Variants in CDK17 observed in about 807,000 individuals in gnomAD.
CDK17 encodes cyclin-dependent kinase 17.
In CDK17, 24 loss-of-function variants were observed where a neutral mutation model predicts 77.6. The ratio of observed to expected loss-of-function variants is 0.31; its 90% confidence interval spans 0.22 to 0.44. The LOEUF (loss-of-function observed/expected upper bound fraction) is 0.44. CDK17 is among the 20% of genes least tolerant of loss of function. The pLI is 1.00. For missense variants in CDK17, 429 were observed against 622.5 expected (o/e 0.69, Z 3.31); for synonymous variants, 203 against 210.4 (o/e 0.96, Z 0.30).
chr12:96,390,374 A>G (rs1250438176), intron 1 of CDK17, among the ~76,000 whole-genome samples: 18 of 146,396 alleles, frequency 1.2e-4, no homozygotes, highest in African/African-American at 2.5e-5. Flanking sequence ...CAGGCGATCC[A>G]CCCACCTAGG....
In CDK17 at chr12:96,350,290, C is replaced by G. The variant is rs553635463; in HGVS notation, c.-29-15425G>C. 5.0e-4 allele frequency among the ~76,000 whole-genome samples: 76 copies of G among 151,058 alleles called. 1 individual carries two copies. The East Asian group carries it at 0.014, about 28-fold the overall frequency. ...AAAATTTGTTCCGGTTTACAGTGAG[C>G]TATGATTATGCCACTGCACTCCAGC... On this transcript the variant is annotated intron_variant, in intron 1 of 16. Coordinates refer to ENST00000261211, the MANE Select transcript of CDK17 (RefSeq NM_002595.5).
At chr12:96,343,214 A>T (rs145915826) in intron 1 of CDK17, among the ~76,000 whole-genome samples, 26 of 152,360 alleles carry the variant, frequency 1.7e-4, no homozygotes, top group African/African-American at 5.3e-4. Flanking sequence ...ACAAGAATCA[A>T]CTATCTTCCA....
At chr12:96,298,701 CTAATA>C (rs1952450492) in intron 7 of CDK17, among the ~76,000 whole-genome samples, 163 bp downstream of exon 7, 2 of 152,258 alleles carry the variant, frequency 1.3e-5, no homozygotes, top group South Asian at 4.1e-4. Flanking sequence ...AAGTTATACA[CTAATA>C]TAATTAATCC....
At position 96,303,735 on chromosome 12, in the gene CDK17, T is replaced by A. The variant is rs118058636; in HGVS notation, c.544-3375A>T. On this transcript the variant is annotated intron_variant, in intron 5 of 16. Coordinates refer to ENST00000261211, the MANE Select transcript of CDK17 (RefSeq NM_002595.5). ...TAGTCTTCCTAGAATTCACTGTAAC[T>A]TGTAAGCAATACCAAGCCTTATGGG... Among the ~76,000 whole-genome samples the A allele has an allele frequency of 1.0e-3, 158 of 152,204 alleles. 1 individual carries two copies. In the East Asian group the frequency reaches 0.026, roughly 25 times the overall value.
At chr12:96,320,018 T>A (rs552655528) in intron 3 of CDK17, among the ~76,000 whole-genome samples, 1,876 of 152,060 alleles carry the variant, frequency 0.012, 37 homozygotes, top group African/African-American at 0.043. Flanking sequence ...TTGTCCCTGT[T>A]TGCAGACGAC....
intron 3 of CDK17, among the ~76,000 whole-genome samples, chr12:96,316,163 A>G (rs895532724): frequency 5.3e-5 from 8 of 152,122 alleles, no homozygotes; most frequent in Non-Finnish European, 8.8e-5. Context: ...GGGGTCAGGG[A>G]GTTCTCTTTC....
intron 1 of CDK17, among the ~76,000 whole-genome samples, chr12:96,370,503 A>G (rs1788931253): frequency 6.6e-6 from 1 of 152,232 alleles, no homozygotes; most frequent in African/African-American, 2.4e-5. Context: ...GATCAAAAGT[A>G]GGATAAGCAA....
At chr12:96,357,553 T>C (rs1592750998) in intron 1 of CDK17, among the ~76,000 whole-genome samples, 1 of 152,178 alleles carries the variant, frequency 6.6e-6, no homozygotes, top group South Asian at 2.1e-4. Flanking sequence ...ATATAAGTAA[T>C]GCGTCTCTCA....
intron 1 of CDK17, among the ~76,000 whole-genome samples, chr12:96,341,085 A>G (rs1565827097): frequency 6.6e-6 from 1 of 152,162 alleles, no homozygotes; most frequent in South Asian, 2.1e-4. Context: ...GAGTGAGAAC[A>G]TGTAGTATTT....
At chr12:96,284,534 TATA>T (rs939159279) in intron 13 of CDK17, 3 of 149,672 alleles carry the variant, frequency 2.0e-5, no homozygotes, top group African/African-American at 7.4e-5. Flanking sequence ...ATGAAATTAG[TATA>T]ACTAGGGGTA....
intron 1 of CDK17, among the ~76,000 whole-genome samples, chr12:96,357,901 T>G (rs1953425054): frequency 6.6e-6 from 1 of 152,156 alleles, no homozygotes; most frequent in Admixed American, 6.5e-5. Flanking sequence ...CGTAATAGCA[T>G]AATACTAGAA....
chr12:96,316,082 C>G (rs1202817768), intron 3 of CDK17, among the ~76,000 whole-genome samples: 3 of 152,182 alleles, frequency 2.0e-5, no homozygotes, highest in Non-Finnish European at 4.4e-5. Context: ...ACAGTGGGCG[C>G]AGGCCAGTGT....
intron 1 of CDK17, among the ~76,000 whole-genome samples, chr12:96,359,462 G>T (rs1953460469): frequency 6.6e-6 from 1 of 152,196 alleles, no homozygotes; most frequent in Non-Finnish European, 1.5e-5. Flanking sequence ...ACTATGGCAA[G>T]AGGATAAACA....
chr12:96,286,727 C>T lies in CDK17; in HGVS notation c.1153G>A (p.Gly385Arg). Residue 385 changes from glycine (G) to arginine (R), a missense_variant, in exon 12 of 17, where the codon GGA (glycine) becomes AGA (arginine). Transcript: ENST00000261211. Reference sequence around the variant, plus strand: ...GTTGATCCTGGAAATAAAGGTCTTCCAGAAGCCATTTCAAAGAAAATGCAA... The same window carrying T: ...GTTGATCCTGGAAATAAAGGTCTTCTAGAAGCCATTTCAAAGAAAATGCAA... ...VGCIFFEMASGRPLFPGSTVE... is the reference protein window; with the variant it reads ...VGCIFFEMASRRPLFPGSTVE... 2 of 1,613,270 alleles carry T rather than the reference C, an allele frequency of 1.2e-6. No homozygotes were observed. Among genetic ancestry groups the T allele is most frequent in the Non-Finnish European group, 1.7e-6 (2 of 1,179,538 alleles).
intron 1 of CDK17, among the ~76,000 whole-genome samples, chr12:96,372,011 TTGTGTG>T (rs992158332): frequency 5.5e-4 from 5 of 9,134 alleles, no homozygotes; most frequent in South Asian, 4.8e-3. Context: ...GAGTGTGTGT[TTGTGTG>T]TGTGTGTGTG....
intron 3 of CDK17, among the ~76,000 whole-genome samples, chr12:96,322,092 C>T (rs567561239): frequency 9.2e-5 from 14 of 152,242 alleles, no homozygotes; most frequent in African/African-American, 2.9e-4. Context: ...AAATTACTCA[C>T]GTCATTAACA....
chr12:96,313,483 G>C (rs1952669873), intron 3 of CDK17, 29 bp from the exon 4 acceptor site: 7 of 1,286,704 alleles, frequency 5.4e-6, no homozygotes, highest in Non-Finnish European at 7.4e-6. Context: ...CATTAAAAGA[G>C]ATACATTATA....
rs371183432 is a variant in CDK17 at position 96,280,347 on chromosome 12, G to C, written c.1535-68C>G. On this transcript the variant is annotated intron_variant, in intron 16 of 16. Coordinates refer to ENST00000261211, the MANE Select transcript of CDK17 (RefSeq NM_002595.5). ...TTTATCCCACATACAGTTATTTGGT[G>C]ACTAGGAAGCTAATGTTCCCACCAG... 1,105 of 1,535,118 alleles carry C rather than the reference G, an allele frequency of 7.2e-4. 1 individual carries two copies. The highest frequency in any genetic ancestry group is 1.6e-3 in the Admixed American group (79 of 48,286).
chr12:96,372,471 G>A (rs1159161144), intron 1 of CDK17, among the ~76,000 whole-genome samples: 1 of 152,116 alleles, frequency 6.6e-6, no homozygotes, highest in Non-Finnish European at 1.5e-5. Flanking sequence ...CACATTACTT[G>A]CTAAGTGGAA....
Sources: gnomAD v4.1 joint callset for allele counts (sites outside exome capture counted in the v4.1 genomes callset) on GRCh38, gnomAD v4.1.1 for gene constraint, MANE v1.5 for transcripts, NCBI Gene and HGNC (gene_info 2026-07-23, HGNC 2026-07-21) for gene names.